The following TRPC7 variants were observed in gnomAD, a reference collection of about 807,000 sequenced individuals.
TRPC7 encodes transient receptor potential cation channel subfamily C member 7, also known as short transient receptor potential channel 7.
In TRPC7, 42 loss-of-function variants were observed where a neutral mutation model predicts 90.1. The ratio of observed to expected loss-of-function variants is 0.47; its 90% confidence interval spans 0.36 to 0.60. TRPC7 has a LOEUF of 0.60. TRPC7 is among the 20% of genes least tolerant of loss of function. TRPC7 has a pLI of 0.00. For synonymous variants in TRPC7, 451 were observed against 436.3 expected (o/e 1.03, Z -0.42); for missense variants, 955 against 1,112.3 (o/e 0.86, Z 2.01).
chr5:136,226,686 T>C (rs982480597), intron 8 of TRPC7, among the ~76,000 whole-genome samples: 1 of 152,224 alleles, frequency 6.6e-6, no homozygotes, highest in Non-Finnish European at 1.5e-5. Flanking sequence ...TAGAAATACA[T>C]TGTGAGCCAA....
rs1289019888 is a variant in TRPC7 at position 136,357,243 on chromosome 5, C to A, written c.145G>T (p.Asp49Tyr). 3 of 1,613,722 alleles carry A rather than the reference C, an allele frequency of 1.9e-6. No homozygotes were observed. Among genetic ancestry groups the A allele is most frequent in the Non-Finnish European group, 2.5e-6 (3 of 1,179,982 alleles). The change falls in exon 2 of 12, where the codon GAC becomes TAC. Residue 49 changes from aspartate to tyrosine, a missense_variant. Coordinates refer to ENST00000513104, the MANE Select transcript of TRPC7 (RefSeq NM_020389.3). ...GGGATGTTGCCATACTCAGCCGAGT[C>A]CAGGAAGCGCTCCTCCTCGGGCGTC... ...SLTPEEERFL[D>Y]SAEYGNIPVV...
At chr5:136,224,269 G>T (rs1251734507) in intron 10 of TRPC7, among the ~76,000 whole-genome samples, 2 of 152,194 alleles carry the variant, frequency 1.3e-5, no homozygotes, top group African/African-American at 2.4e-5. Flanking sequence ...TTTTATAATT[G>T]ATCATCTGTA....
intron 4 of TRPC7, among the ~76,000 whole-genome samples, chr5:136,268,016 G>A (rs966222252): frequency 1.3e-5 from 2 of 152,148 alleles, no homozygotes; most frequent in Non-Finnish European, 2.9e-5. Context: ...GGGCACTGAA[G>A]GTGATAGAGA....
chr5:136,240,954 G>A (rs1259579577), intron 7 of TRPC7, among the ~76,000 whole-genome samples: 3 of 151,660 alleles, frequency 2.0e-5, no homozygotes, highest in Admixed American at 6.6e-5. Context: ...GCTCTAAGCC[G>A]AGTACGTGAA....
rs1024336972 is a variant in TRPC7, at chr5:136,365,324, G to T, written c.-70C>A. On this transcript the variant is annotated 5_prime_UTR_variant, in exon 1 of 12. Transcript: ENST00000513104. The stretch of plus-strand genomic sequence containing the variant: ...ATCCGGTGTTGAGTCGCCAGAAGCT[G>T]GCTCCCCATGGGTGGTAGCCAAGGA... 19 of 1,497,450 alleles carry T rather than the reference G, an allele frequency of 1.3e-5. No individual in the cohort carries two copies. The highest frequency in any genetic ancestry group is 2.0e-5 in the Admixed American group (1 of 50,906). The allele number at this position is 1,497,450 out of a possible 1,614,324, so 92.8% of individuals were successfully genotyped here.
At chr5:136,226,366 C>T in intron 8 of TRPC7, 111 bp from the exon 9 acceptor site, 1 of 762,092 alleles carries the variant, frequency 1.3e-6, no homozygotes, top group East Asian at 2.7e-5. Flanking sequence ...GACTTCTAAG[C>T]AGGACTTGGT....
intron 8 of TRPC7, among the ~76,000 whole-genome samples, chr5:136,230,324 C>A (rs1755776179): frequency 6.6e-6 from 1 of 152,146 alleles, no homozygotes; most frequent in African/African-American, 2.4e-5. Flanking sequence ...TTCCACCCAC[C>A]ATGCCCCCTA....
intron 7 of TRPC7, among the ~76,000 whole-genome samples, chr5:136,237,385 G>A (rs1215658079): frequency 1.3e-5 from 2 of 152,226 alleles, no homozygotes; most frequent in East Asian, 3.8e-4. Context: ...GGAAGAAGCT[G>A]TGTTTTCTTC....
chr5:136,267,226 G>A (rs553836211), intron 4 of TRPC7, among the ~76,000 whole-genome samples: 2 of 152,148 alleles, frequency 1.3e-5, no homozygotes, highest in South Asian at 4.1e-4. Flanking sequence ...TTATCTCATG[G>A]CACCCCATCC....
In TRPC7 at chr5:136,365,460, TCCGAGGCAGAACCGTGTTA is replaced by T; in HGVS notation, c.-225_-207del. The T allele has an allele frequency of 8.4e-6, 5 of 596,132 alleles. No homozygotes were observed. The highest frequency in any genetic ancestry group is 1.5e-5 in the Non-Finnish European group (5 of 335,814). 36.9% of individuals were successfully genotyped at this position (596,132 alleles called of 1,614,324 possible). Reference sequence around the variant, plus strand: ...GTGTTGCAGTGGTAAAAACTCGCCTTCCGAGGCAGAACCGTGTTACCGTCCTTTTCCTAATCGGGGGGAA... The same window carrying T: ...GTGTTGCAGTGGTAAAAACTCGCCTTCCGTCCTTTTCCTAATCGGGGGGAA... On this transcript the variant is annotated 5_prime_UTR_variant, in exon 1 of 12. An upstream open reading frame in the 5' UTR loses its in-frame stop. Transcript: ENST00000513104.
chr5:136,314,563 T>C (rs1758949270), intron 3 of TRPC7, among the ~76,000 whole-genome samples: 1 of 152,164 alleles, frequency 6.6e-6, no homozygotes, highest in African/African-American at 2.4e-5. Context: ...TTTGTGATTA[T>C]TATAATATCA....
At chr5:136,309,931 C>A (rs552291167) in intron 3 of TRPC7, among the ~76,000 whole-genome samples, 2 of 152,284 alleles carry the variant, frequency 1.3e-5, no homozygotes, top group African/African-American at 4.8e-5. Flanking sequence ...GAAGAGCTGT[C>A]TCTCCATCTA....
intron 4 of TRPC7, among the ~76,000 whole-genome samples, chr5:136,269,546 G>A (rs1219037892): frequency 6.6e-6 from 1 of 152,206 alleles, no homozygotes; most frequent in East Asian, 1.9e-4. Context: ...AAGGTTTCCA[G>A]CATCTTCCTA....
intron 10 of TRPC7, among the ~76,000 whole-genome samples, chr5:136,217,110 C>A (rs1421195406): frequency 6.6e-6 from 1 of 152,138 alleles, no homozygotes; most frequent in East Asian, 1.9e-4. Context: ...ACTCGGGTAG[C>A]CGAGACTTCT....
chr5:136,329,581 C>T (rs548744144), intron 2 of TRPC7, among the ~76,000 whole-genome samples: 1 of 152,202 alleles, frequency 6.6e-6, no homozygotes, highest in East Asian at 1.9e-4. Context: ...ATGGACATTC[C>T]AGGAAGTGGG....
At chr5:136,332,316 C>CA (rs1289564981) in intron 2 of TRPC7, among the ~76,000 whole-genome samples, 1 of 152,030 alleles carries the variant, frequency 6.6e-6, no homozygotes, top group Non-Finnish European at 1.5e-5. Flanking sequence ...AAGGGAGCAG[C>CA]AGGAGCACGA....
chr5:136,330,610 G>A (rs773668934), intron 2 of TRPC7, among the ~76,000 whole-genome samples: 33 of 152,330 alleles, frequency 2.2e-4, no homozygotes, highest in Admixed American at 1.1e-3. Flanking sequence ...GAAAGATGAG[G>A]GCCTCTTGTT....
chr5:136,334,689 A>G (rs1759597515), intron 2 of TRPC7, among the ~76,000 whole-genome samples: 1 of 152,212 alleles, frequency 6.6e-6, no homozygotes, highest in Admixed American at 6.5e-5. Context: ...TAACACTTAT[A>G]CTTTATTCAT....
intron 1 of TRPC7, 94 bp from the exon 2 acceptor site, chr5:136,357,479 G>A: frequency 7.9e-7 from 1 of 1,271,262 alleles, no homozygotes; most frequent in Non-Finnish European, 1.1e-6. Flanking sequence ...AGAATATCAT[G>A]CTTGGAATCT....
Sources: allele counts gnomAD v4.1 joint callset (sites outside exome capture counted in the v4.1 genomes callset), GRCh38; gene constraint gnomAD v4.1.1; transcripts MANE v1.5; gene names NCBI Gene and HGNC (gene_info 2026-07-23, HGNC 2026-07-21).